The following MACC1 variants were observed in gnomAD, a reference collection of about 807,000 sequenced individuals.
The protein encoded by MACC1 is MET transcriptional regulator MACC1.
A neutral mutation model predicts 70.7 loss-of-function variants in MACC1; 79 were observed. The ratio of observed to expected loss-of-function variants is 1.12; its 90% confidence interval spans 0.93 to 1.35. MACC1 has a LOEUF of 1.35. MACC1 is among the 40% of genes most tolerant of loss of function. MACC1 has a pLI of 0.00. For missense variants in MACC1, 1,106 were observed against 978.1 expected, an observed-to-expected ratio of 1.13 and a Z score of -1.74; for synonymous variants, 361 against 347.2, an observed-to-expected ratio of 1.04 and a Z score of -0.44.
At chr7:20,146,218 C>A (rs1781889574) in intron 6 of MACC1, among the ~76,000 whole-genome samples, 1 of 151,436 alleles carries the variant, frequency 6.6e-6, no homozygotes, top group Non-Finnish European at 1.5e-5. Flanking sequence ...TCGTCCAGGT[C>A]TCTTCAATAC....
At chr7:20,152,334 A>T (rs528000920) in intron 6 of MACC1, among the ~76,000 whole-genome samples, 114 of 152,206 alleles carry the variant, frequency 7.5e-4, no homozygotes, top group South Asian at 1.5e-3. Flanking sequence ...ACCCAGAACT[A>T]ATATCAGTGT....
intron 1 of MACC1, among the ~76,000 whole-genome samples, chr7:20,201,185 A>G (rs1256579800): frequency 2.6e-5 from 4 of 152,214 alleles, no homozygotes; most frequent in Non-Finnish European, 5.9e-5. Flanking sequence ...AGAGGGAAGA[A>G]AGAAGCAGCA....
chr7:20,158,816 CGA>C lies in MACC1; in HGVS notation c.1543_1544del (p.Ser515GlufsTer24), dbSNP rs1562585403. The C allele has an allele frequency of 1.2e-6, 2 of 1,614,020 alleles. No homozygotes were observed. The highest frequency in any genetic ancestry group is 8.5e-7 in the Non-Finnish European group (1 of 1,180,006). ...PDPTPNLKRL[S>X]NLPGYLQKKE... is the part of the protein sequence containing the mutation. ...TCTTCTGCAAATAGCCTGGCAGATT[CGA>C]GAGTCTTTTTAGGTTTGGGGTTGGA... is the stretch of plus-strand genomic sequence containing the variant. On this transcript the variant is annotated frameshift_variant, in exon 5 of 7. Coordinates refer to ENST00000400331, the MANE Select transcript of MACC1 (RefSeq NM_182762.4). LOFTEE classifies it high-confidence loss of function.
intron 1 of MACC1, among the ~76,000 whole-genome samples, chr7:20,185,753 T>A (rs183520286): frequency 6.6e-6 from 1 of 152,214 alleles, no homozygotes; most frequent in African/African-American, 2.4e-5. Flanking sequence ...CAATTACTGG[T>A]CATGCTTTGT....
At chr7:20,179,674 T>C (rs933323396) in intron 1 of MACC1, among the ~76,000 whole-genome samples, 4 of 115,350 alleles carry the variant, frequency 3.5e-5, no homozygotes, top group African/African-American at 1.5e-4. Context: ...CAGCAGGAGT[T>C]GTTGTTTTTT....
Position 20,137,182 on chromosome 7 carries a change from A to C in MACC1, c.*3764T>G, listed in dbSNP as rs949456763. The C allele has an allele frequency of 2.0e-5, 3 of 152,276 alleles. No individual in the cohort carries two copies. In the East Asian group the frequency reaches 5.8e-4, roughly 29 times the overall value. 9.4% of individuals were successfully genotyped at this position (152,276 alleles called of 1,614,324 possible). ...TTCAAGTCCTTCAACTTCCAGTTATAGCATTGTACAAATTTGAGTGTATGC... is the reference window on the plus strand; with the variant it reads ...TTCAAGTCCTTCAACTTCCAGTTATCGCATTGTACAAATTTGAGTGTATGC... On this transcript the variant is annotated 3_prime_UTR_variant, in exon 7 of 7. Transcript: ENST00000400331.
intron 1 of MACC1, among the ~76,000 whole-genome samples, chr7:20,200,730 G>C (rs1208704880): frequency 6.6e-6 from 1 of 152,202 alleles, no homozygotes; most frequent in Admixed American, 6.5e-5. Flanking sequence ...ACCCCAGCTA[G>C]AAACATGGGT....
chr7:20,145,076 G>C (rs1781869224), intron 6 of MACC1, among the ~76,000 whole-genome samples: 2 of 152,078 alleles, frequency 1.3e-5, no homozygotes, highest in Admixed American at 1.3e-4. Context: ...ACACCACAAT[G>C]GTAGGTTAAA....
chr7:20,158,292 G>A lies in MACC1; in HGVS notation c.2069C>T (p.Ser690Leu), dbSNP rs751820985. 5.6e-6 allele frequency: 9 copies of A among 1,613,082 alleles called. No individual in the cohort carries two copies. The highest frequency in any genetic ancestry group is 6.8e-6 in the Non-Finnish European group (8 of 1,179,852). ...DFDQIQADKESEKVSYVIKKL... is the reference protein window; with the variant it reads ...DFDQIQADKELEKVSYVIKKL... The stretch of plus-strand genomic sequence containing the variant: ...CTTTATAACATAAGAAACTTTCTCT[G>A]ATTCTTTGTCTGCTTGAATTTGATC... The change falls in exon 5 of 7, where the codon TCA becomes TTA. Residue 690 changes from serine (S) to leucine (L), a missense_variant. Coordinates refer to ENST00000400331, the MANE Select transcript of MACC1 (RefSeq NM_182762.4).
chr7:20,145,600 T>C (rs536883044), intron 6 of MACC1, among the ~76,000 whole-genome samples: 75 of 152,312 alleles, frequency 4.9e-4, no homozygotes, highest in African/African-American at 1.8e-3. Flanking sequence ...ATTTGAATCT[T>C]AGCTTTGCCA....
intron 1 of MACC1, among the ~76,000 whole-genome samples, chr7:20,188,647 T>TTC (rs1356146034): frequency 6.6e-6 from 1 of 151,876 alleles, no homozygotes; most frequent in Admixed American, 6.6e-5. Flanking sequence ...AATATTTTTC[T>TTC]TCTCTCTCTC....
intron 6 of MACC1, chr7:20,150,328 G>T (rs1462411146): frequency 6.6e-6 from 1 of 152,160 alleles, no homozygotes; most frequent in Non-Finnish European, 1.5e-5. Context: ...CTAGGACACA[G>T]ATATAAGATA....
intron 1 of MACC1, among the ~76,000 whole-genome samples, chr7:20,214,416 C>G (rs1347987297): frequency 6.6e-6 from 1 of 152,128 alleles, no homozygotes; most frequent in African/African-American, 2.4e-5. Context: ...TTCACTCATT[C>G]TGGTACCTCA....
chr7:20,168,929 T>A (rs1782261294), intron 2 of MACC1, among the ~76,000 whole-genome samples: 1 of 152,164 alleles, frequency 6.6e-6, no homozygotes, highest in African/African-American at 2.4e-5. Flanking sequence ...CACGTTCTCT[T>A]GTGAAAATTG....
intron 6 of MACC1, among the ~76,000 whole-genome samples, chr7:20,142,762 G>T (rs755796386): frequency 2.0e-5 from 3 of 152,124 alleles, no homozygotes; most frequent in Non-Finnish European, 4.4e-5. Context: ...TCTGTAGTGG[G>T]TATATTCTGT....
At chr7:20,180,112 T>C (rs1490010227) in intron 1 of MACC1, among the ~76,000 whole-genome samples, 1 of 152,206 alleles carries the variant, frequency 6.6e-6, no homozygotes, top group Non-Finnish European at 1.5e-5. Context: ...GAGAATATAC[T>C]TATTCAATTC....
intron 1 of MACC1, among the ~76,000 whole-genome samples, chr7:20,171,063 C>A (rs890613830): frequency 2.0e-5 from 3 of 152,048 alleles, no homozygotes; most frequent in Non-Finnish European, 4.4e-5. Flanking sequence ...AACTCTTTGT[C>A]AAAGCAGTGA....
intron 1 of MACC1, among the ~76,000 whole-genome samples, chr7:20,204,395 C>T (rs1335597256): frequency 1.3e-5 from 2 of 152,202 alleles, no homozygotes; most frequent in East Asian, 3.8e-4. Flanking sequence ...ACCTCATGAT[C>T]CACCCGCCTT....
chr7:20,182,455 C>G (rs1007353281), intron 1 of MACC1, among the ~76,000 whole-genome samples: 2 of 152,152 alleles, frequency 1.3e-5, no homozygotes, highest in African/African-American at 2.4e-5. Flanking sequence ...CCATGAATGC[C>G]TCCTGATTCC....
Sources: gnomAD v4.1 joint callset for allele counts (sites outside exome capture counted in the v4.1 genomes callset) on GRCh38, gnomAD v4.1.1 for gene constraint, MANE v1.5 for transcripts, NCBI Gene and HGNC (gene_info 2026-07-23, HGNC 2026-07-21) for gene names.